Variants in RTF1 observed in about 807,000 individuals in gnomAD.
RTF1 encodes the protein RTF1 homolog, Paf1/RNA polymerase II complex component.
Under a neutral mutation model 95.7 loss-of-function variants are expected in RTF1, and 10 were observed. The ratio of observed to expected loss-of-function variants is 0.10; its 90% CI spans 0.06 to 0.18. RTF1 has a LOEUF of 0.18. Ranked by LOEUF, RTF1 falls within the 10% of genes least tolerant of loss-of-function variation. The pLI is 1.00. For synonymous variants in RTF1, 305 were observed against 311.8 expected, an observed-to-expected ratio of 0.98 and a Z score of 0.23; for missense variants, 458 against 875.6, an observed-to-expected ratio of 0.52 and a Z score of 6.02.
intron 2 of RTF1, among the ~76,000 whole-genome samples, chr15:41,448,582 G>T (rs989590817): frequency 1.3e-5 from 2 of 151,912 alleles, no homozygotes; most frequent in Non-Finnish European, 2.9e-5. Context: ...AGCTGGGTGT[G>T]GGGGCAGGTG....
intron 2 of RTF1, among the ~76,000 whole-genome samples, chr15:41,443,565 G>T (rs910473317): frequency 6.6e-5 from 10 of 151,412 alleles, no homozygotes. Flanking sequence ...AGGTGAAAAG[G>T]AGGGGAGCTA....
chr15:41,476,634 C>T (rs2050943026), intron 12 of RTF1, 111 bp downstream of exon 12: 1 of 982,008 alleles, frequency 1.0e-6, no homozygotes, highest in African/African-American at 1.6e-5. Context: ...AAATTCTGGG[C>T]TCGATTATAA....
intron 7 of RTF1, among the ~76,000 whole-genome samples, chr15:41,470,687 C>G (rs573821605): frequency 9.0e-6 from 1 of 110,972 alleles, no homozygotes; most frequent in Non-Finnish European, 1.7e-5. Flanking sequence ...GAGACGGAGT[C>G]TCGCTCTGTC....
intron 1 of RTF1, among the ~76,000 whole-genome samples, chr15:41,427,212 T>C: frequency 7.2e-6 from 1 of 138,396 alleles, no homozygotes; most frequent in South Asian, 2.3e-4. Context: ...AGTGCAGTGG[T>C]GCGATCTCGG....
At chr15:41,478,410 TAAAAAA>T in intron 14 of RTF1, 132 bp from the exon 15 acceptor site, 1 of 535,606 alleles carries the variant, frequency 1.9e-6, no homozygotes, top group East Asian at 3.4e-5. Context: ...CAAAAAAAAT[TAAAAAA>T]AAAAAAAAAG....
intron 1 of RTF1, among the ~76,000 whole-genome samples, chr15:41,424,293 T>C (rs2050617853): frequency 6.6e-6 from 1 of 152,082 alleles, no homozygotes; most frequent in Non-Finnish European, 1.5e-5. Context: ...GAGAGTGACA[T>C]TGAAACAGAC....
rs375383998 is a variant in RTF1, at chr15:41,452,594, C to T, written c.310-307C>T. On this transcript the variant is annotated intron_variant, in intron 2 of 17. Transcript: ENST00000389629. ...ACAAAAAATACAAAAATTAGCTGGG[C>T]GTGGTGGGGCACACCTGTAGTCCCA... Among the ~76,000 whole-genome samples, 380 of 152,048 alleles carry T rather than the reference C, an allele frequency of 2.5e-3. 2 individuals carry two copies. Among genetic ancestry groups the T allele is most frequent in the African/African-American group, 8.6e-3 (358 of 41,476 alleles).
At position 41,464,998 on chromosome 15, in the gene RTF1, T is replaced by A; in HGVS notation, c.777+113T>A. ...GTGGATTTATATTAATCAGCCTAAG[T>A]TTATAAGACTTGTGACATGGTTTCA... On this transcript the variant is annotated intron_variant, in intron 5 of 17. Transcript: ENST00000389629. 1.5e-6 allele frequency: 2 copies of A among 1,367,482 alleles called. 1 individual carries two copies. Among genetic ancestry groups the A allele is most frequent in the South Asian group, 3.9e-5 (2 of 50,678 alleles). The allele number at this position is 1,367,482 out of a possible 1,614,324, so 84.7% of individuals were successfully genotyped here. A position where few individuals can be genotyped will look rare whatever the true frequency, so the allele number is the denominator to read the frequency against.
At chr15:41,455,167 A>G (rs965409401) in intron 3 of RTF1, among the ~76,000 whole-genome samples, 1 of 152,042 alleles carries the variant, frequency 6.6e-6, no homozygotes, top group African/African-American at 2.4e-5. Flanking sequence ...TACAAAAATT[A>G]GCTCAGCATG....
At chr15:41,458,131 T>A (rs533162390) in intron 4 of RTF1, among the ~76,000 whole-genome samples, 2 of 152,348 alleles carry the variant, frequency 1.3e-5, no homozygotes, top group African/African-American at 4.8e-5. Context: ...GTGCACTATT[T>A]AATCTTCACA....
At chr15:41,478,104 AAAAT>A (rs1454659395) in intron 14 of RTF1, among the ~76,000 whole-genome samples, 1 of 148,218 alleles carries the variant, frequency 6.7e-6, no homozygotes, top group Non-Finnish European at 1.5e-5. Context: ...ATCCATTTAA[AAAAT>A]AAAAAAAATT....
At chr15:41,475,854 A>T (rs749819970) in intron 11 of RTF1, 35 bp downstream of exon 11, 2 of 1,044,850 alleles carry the variant, frequency 1.9e-6, no homozygotes, top group Non-Finnish European at 2.9e-6. Flanking sequence ...CCGGAGGTTC[A>T]TCAAGAACCA....
intron 1 of RTF1, among the ~76,000 whole-genome samples, chr15:41,426,777 A>ATGTGTG (rs1456914265): frequency 8.5e-5 from 4 of 47,176 alleles, no homozygotes; most frequent in African/African-American, 2.2e-4. Context: ...GCCGCTACAT[A>ATGTGTG]TATATGTGTG....
chr15:41,480,215 G>T lies in RTF1; in HGVS notation c.1916G>T (p.Gly639Val). 6.2e-7 allele frequency: 1 copy of T among 1,603,666 alleles called. No homozygotes were observed. The highest frequency in any genetic ancestry group is 8.5e-7 in the Non-Finnish European group (1 of 1,170,490). ...TTAGCTTTCCTCTTCACATTCCAGG[G>T]TCAAGGCAAAGATAAAGATTTGAAT... The part of the protein sequence containing the change: ...LPDAPKEMSK[G>V]QGKDKDLNSK... Residue 639 changes from glycine (G) to valine (V), a missense_variant and splice_region_variant, in exon 17 of 18, where the codon GGT becomes GTT. Gly to Val is a moderately radical substitution (Grantham distance 109, BLOSUM62 -3). Transcript: ENST00000389629.
chr15:41,473,332 C>T (rs920043009), intron 8 of RTF1, among the ~76,000 whole-genome samples: 2 of 151,850 alleles, frequency 1.3e-5, no homozygotes, highest in Non-Finnish European at 2.9e-5. Context: ...CGGGGTTTCA[C>T]CTTGTTAGCC....
intron 2 of RTF1, among the ~76,000 whole-genome samples, chr15:41,449,227 A>ATTTTTTTT (rs34660598): frequency 5.0e-4 from 55 of 109,292 alleles, no homozygotes; most frequent in African/African-American, 8.0e-4. Context: ...AGGCAGGTGA[A>ATTTTTTTT]TTTTTTTTTT....
intron 1 of RTF1, among the ~76,000 whole-genome samples, chr15:41,430,803 C>T (rs535315618): frequency 6.6e-6 from 1 of 152,274 alleles, no homozygotes; most frequent in Middle Eastern, 3.4e-3. Flanking sequence ...TGAGTTTTCC[C>T]AGTAACTTCC....
rs763357356 is a variant in RTF1 at position 41,475,541 on chromosome 15, C to T, written c.1303C>T (p.Arg435Cys). 6.2e-7 allele frequency: 1 copy of T among 1,614,028 alleles called. No homozygotes were observed. The highest frequency in any genetic ancestry group is 1.7e-5 in the Admixed American group (1 of 60,014). ...GLQLRHGNDQ[R>C]VFRLEFVSNQ... Reference sequence around the variant, plus strand: ...TTTATGTAGGCATGGCAATGACCAACGCGTGTTCCGTTTAGAGTTTGTCTC... The same window carrying T: ...TTTATGTAGGCATGGCAATGACCAATGCGTGTTCCGTTTAGAGTTTGTCTC... The change falls in exon 10 of 18, where the codon CGC becomes TGC. Residue 435 changes from arginine to cysteine, a missense_variant. By Grantham distance (180) the Arg-to-Cys change is radical. Transcript: ENST00000389629.
chr15:41,461,721 C>T (rs1356125914), intron 4 of RTF1, among the ~76,000 whole-genome samples: 1 of 149,482 alleles, frequency 6.7e-6, no homozygotes, highest in Non-Finnish European at 1.5e-5. Context: ...GATCTCTTGA[C>T]CTCGTGTTCT....
Sources: gnomAD v4.1 joint callset for allele counts (sites outside exome capture counted in the v4.1 genomes callset) on GRCh38, gnomAD v4.1.1 for gene constraint, MANE v1.5 for transcripts, NCBI Gene and HGNC (gene_info 2026-07-23, HGNC 2026-07-21) for gene names.